Variants in TSNAX observed in about 807,000 individuals in gnomAD.
TSNAX encodes the protein translin associated factor X, also known as translin-associated protein X.
In TSNAX, 12 loss-of-function variants were observed where a neutral mutation model predicts 33.0. That is an observed-to-expected ratio of 0.36 (90% confidence interval 0.23 to 0.59). TSNAX has a LOEUF of 0.59. Ranked by LOEUF, TSNAX falls within the 20% of genes least tolerant of loss-of-function variation. TSNAX has a pLI of 0.74. For missense variants in TSNAX, 267 were observed against 341.3 expected, an observed-to-expected ratio of 0.78 and a Z score of 1.72; for synonymous variants, 110 against 117.2, an observed-to-expected ratio of 0.94 and a Z score of 0.40.
At chr1:231,564,016 G>A (rs201971512) in intron 5 of TSNAX, among the ~76,000 whole-genome samples, 2 of 152,102 alleles carry the variant, frequency 1.3e-5, no homozygotes, top group African/African-American at 2.4e-5. Flanking sequence ...GGTAGGTGCA[G>A]TAGAAAATAT....
At chr1:231,556,926 C>G (rs1660734712) in intron 4 of TSNAX, among the ~76,000 whole-genome samples, 1 of 151,762 alleles carries the variant, frequency 6.6e-6, no homozygotes, top group Non-Finnish European at 1.5e-5. Context: ...TGGTTTTGCC[C>G]TGTATTCTGA....
rs1661340747 is a variant in TSNAX, at chr1:231,565,080, T to G, written c.*175T>G. 1.3e-6 allele frequency: 1 copy of G among 785,534 alleles called. No homozygotes were observed. Among genetic ancestry groups the G allele is most frequent in the Non-Finnish European group, 1.9e-6 (1 of 519,764 alleles). 48.7% of individuals were successfully genotyped at this position (785,534 alleles called of 1,614,324 possible). On this transcript the variant is annotated 3_prime_UTR_variant, in exon 6 of 6. Transcript: ENST00000366639. ...TAAAATTAGCCAAATGAATCATTTC[T>G]TATATCTTATTCATGAAAGTTTGCA... is the stretch of plus-strand genomic sequence containing the variant.
At chr1:231,542,670 C>T in intron 4 of TSNAX, 59 bp downstream of exon 4, 2 of 1,532,026 alleles carry the variant, frequency 1.3e-6, no homozygotes, top group Non-Finnish European at 1.8e-6. Flanking sequence ...ACATGATTAA[C>T]ATGTGAGTTG....
intron 3 of TSNAX, among the ~76,000 whole-genome samples, chr1:231,541,904 T>G (rs1203454308): frequency 6.6e-6 from 1 of 152,182 alleles, no homozygotes; most frequent in Admixed American, 6.5e-5. Flanking sequence ...TTATACAGCT[T>G]TCTCCTCATT....
At chr1:231,528,960 C>A in intron 1 of TSNAX, 134 bp downstream of exon 1, 1 of 1,221,006 alleles carries the variant, frequency 8.2e-7, no homozygotes, top group Non-Finnish European at 1.2e-6. Context: ...CCCTCTGTTT[C>A]TCTCCCCGGC....
At chr1:231,540,866 C>G (rs1305599710) in intron 3 of TSNAX, among the ~76,000 whole-genome samples, 1 of 152,144 alleles carries the variant, frequency 6.6e-6, no homozygotes, top group East Asian at 1.9e-4. Flanking sequence ...GACCCTTTAT[C>G]ATTATGATGG....
intron 4 of TSNAX, among the ~76,000 whole-genome samples, chr1:231,543,329 A>G (rs1314524644): frequency 3.3e-5 from 5 of 151,612 alleles, no homozygotes; most frequent in Non-Finnish European, 7.4e-5. Flanking sequence ...TAATTCAGAT[A>G]CAGGTTCAGT....
chr1:231,542,678 T>C, intron 4 of TSNAX, 67 bp downstream of exon 4: 2 of 1,497,530 alleles, frequency 1.3e-6, no homozygotes, highest in South Asian at 1.3e-5. Flanking sequence ...AACATGTGAG[T>C]TGCATGAATT....
At chr1:231,535,275 T>A (rs1485712691) in intron 2 of TSNAX, 1 of 152,240 alleles carries the variant, frequency 6.6e-6, no homozygotes, top group Non-Finnish European at 1.5e-5. Context: ...GTTCTGTAAG[T>A]ATAGCTTTGT....
intron 2 of TSNAX, among the ~76,000 whole-genome samples, chr1:231,531,739 C>T (rs997064016): frequency 1.3e-5 from 2 of 152,004 alleles, no homozygotes; most frequent in African/African-American, 2.4e-5. Flanking sequence ...TGGGTGTTTC[C>T]TATAGGCCAG....
chr1:231,532,698 C>G (rs1658847405), intron 2 of TSNAX, among the ~76,000 whole-genome samples: 1 of 151,928 alleles, frequency 6.6e-6, no homozygotes, highest in Non-Finnish European at 1.5e-5. Context: ...CTCTTGTTTA[C>G]TAAGTTCATT....
intron 4 of TSNAX, among the ~76,000 whole-genome samples, chr1:231,548,080 G>T (rs541084810): frequency 6.7e-5 from 10 of 149,370 alleles, no homozygotes; most frequent in Non-Finnish European, 1.2e-4. Context: ...TGATCCGCCC[G>T]CCTTGGCCTC....
At position 231,531,396 on chromosome 1, in the gene TSNAX, T is replaced by A. The variant is rs375261404; in HGVS notation, c.121+2037T>A. Among the ~76,000 whole-genome samples the A allele has an allele frequency of 2.0e-4, 30 of 152,366 alleles. 1 individual carries two copies. In the East Asian group the frequency reaches 5.6e-3, roughly 28 times the overall value. ...GCTATGTTCTCGCATGTATTAGTAG[T>A]GAACAAGAAACGTGGTTTCTGCTTT... On this transcript the variant is annotated intron_variant, in intron 2 of 5. Coordinates refer to ENST00000366639, the MANE Select transcript of TSNAX (RefSeq NM_005999.3).
At chr1:231,548,737 C>T (rs1276086671) in intron 4 of TSNAX, among the ~76,000 whole-genome samples, 2 of 152,152 alleles carry the variant, frequency 1.3e-5, no homozygotes, top group Non-Finnish European at 2.9e-5. Context: ...CAGGTTGCTG[C>T]CTAGGAGGCA....
Position 231,528,750 on chromosome 1 carries a change from G to A in TSNAX, c.-61G>A. 1 of 1,609,812 alleles carries A rather than the reference G, an allele frequency of 6.2e-7. No homozygotes were observed. The highest frequency in any genetic ancestry group is 8.5e-7 in the Non-Finnish European group (1 of 1,176,692). On this transcript the variant is annotated 5_prime_UTR_variant, in exon 1 of 6. Coordinates refer to ENST00000366639, the MANE Select transcript of TSNAX (RefSeq NM_005999.3). ...CCCAGGTTCCCTCGGCCTGTACCTC[G>A]CGCACTCCTCTTGCTCCAGGTCCTT...
At position 231,537,232 on chromosome 1, in the gene TSNAX, T is replaced by G; in HGVS notation, c.141T>G (p.Asp47Glu). The change falls in exon 3 of 6, where the codon GAT (aspartate) becomes GAG (glutamate). Residue 47 changes from aspartate to glutamate, a missense_variant. Asp to Glu is a conservative substitution (Grantham distance 45). Coordinates refer to ENST00000366639, the MANE Select transcript of TSNAX (RefSeq NM_005999.3). ...TTTTAGCATTTCAGCAGGAACTTGA[T>G]GCAAGGCATGACAAATATGAGAGAC... The part of the protein sequence containing the change: ...LAFKSFQQEL[D>E]ARHDKYERLV... 1 of 1,612,654 alleles carries G rather than the reference T, an allele frequency of 6.2e-7. No individual in the cohort carries two copies. Among genetic ancestry groups the G allele is most frequent in the Non-Finnish European group, 8.5e-7 (1 of 1,179,484 alleles).
intron 4 of TSNAX, among the ~76,000 whole-genome samples, chr1:231,556,213 A>T (rs528037781): frequency 6.6e-6 from 1 of 152,354 alleles, no homozygotes; most frequent in Non-Finnish European, 1.5e-5. Flanking sequence ...TAGTGAATTT[A>T]TTTTTAAAAA....
Position 231,550,392 on chromosome 1 carries a change from G to A in TSNAX, c.367+7781G>A, listed in dbSNP as rs1375572994. 2.6e-5 allele frequency among the ~76,000 whole-genome samples: 4 copies of A among 152,342 alleles called. No individual in the cohort carries two copies. The East Asian group carries it at 7.7e-4, about 29-fold the overall frequency. ...TTCTTTTGTAAACCCCCAAAAAGAG[G>A]TGCCTTAAGGGGAGAAGCAAATAGT... On this transcript the variant is annotated intron_variant, in intron 4 of 5. Coordinates refer to ENST00000366639, the MANE Select transcript of TSNAX (RefSeq NM_005999.3).
Position 231,564,587 on chromosome 1 carries a change from C to A in TSNAX, c.555C>A (p.Val185=). 1 of 1,613,984 alleles carries A rather than the reference C, an allele frequency of 6.2e-7. No homozygotes were observed. Among genetic ancestry groups the A allele is most frequent in the South Asian group, 1.1e-5 (1 of 91,064 alleles). Residue 185 remains valine (V), a synonymous_variant, in exon 6 of 6, where the codon GTC becomes GTA. Coordinates refer to ENST00000366639, the MANE Select transcript of TSNAX (RefSeq NM_005999.3). ...FGTWRLRVTP[V]DYLLGVADLT... ...CTTGGAGACTGAGAGTCACACCTGT[C>A]GATTACCTTCTGGGAGTGGCTGACT... is the stretch of plus-strand genomic sequence containing the variant.
Sources: allele counts gnomAD v4.1 joint callset (sites outside exome capture counted in the v4.1 genomes callset), GRCh38; gene constraint gnomAD v4.1.1; transcripts MANE v1.5; gene names NCBI Gene and HGNC (gene_info 2026-07-23, HGNC 2026-07-21).